SLA: variants seen among roughly 807,000 people sequenced by gnomAD.
SLA encodes the protein src-like-adapter.
In SLA, 16 loss-of-function variants were observed where a neutral mutation model predicts 30.3. That is an observed-to-expected ratio of 0.53 (90% CI 0.36 to 0.80). The LOEUF is 0.80. Ranked by LOEUF, SLA falls within the 30% of genes least tolerant of loss-of-function variation. The pLI is 0.01. For missense variants in SLA, 310 were observed against 345.2 expected, an observed-to-expected ratio of 0.90 and a Z score of 0.81; for synonymous variants, 143 against 137.8, an observed-to-expected ratio of 1.04 and a Z score of -0.26.
intron 3 of SLA, among the ~76,000 whole-genome samples, 194 bp downstream of exon 3, chr8:133,059,906 C>A (rs1321880288): frequency 6.6e-6 from 1 of 152,194 alleles, no homozygotes; most frequent in Non-Finnish European, 1.5e-5. Context: ...TTCAGGTGCG[C>A]CGAGCACCCA....
chr8:133,084,408 A>G (rs1846206061), intron 1 of SLA, among the ~76,000 whole-genome samples: 1 of 152,220 alleles, frequency 6.6e-6, no homozygotes, highest in African/African-American at 2.4e-5. Context: ...CTCATTGACA[A>G]TGGAAGGGAG....
intron 2 of SLA, chr8:133,064,312 G>A (rs550217518): frequency 6.6e-6 from 1 of 152,326 alleles, no homozygotes; most frequent in South Asian, 2.1e-4. Context: ...TTCAAATGAA[G>A]TCCTATTAGA....
chr8:133,091,847 G>A (rs1847594506), intron 1 of SLA, among the ~76,000 whole-genome samples: 1 of 152,070 alleles, frequency 6.6e-6, no homozygotes, highest in Admixed American at 6.5e-5. Flanking sequence ...GTGACCATGA[G>A]TGTCTGTGTG....
chr8:133,053,163 C>T (rs138348069), intron 3 of SLA, among the ~76,000 whole-genome samples: 1 of 152,184 alleles, frequency 6.6e-6, no homozygotes, highest in Non-Finnish European at 1.5e-5. Context: ...CTCACCTCTG[C>T]AGAGGCTCCA....
At chr8:133,061,533 T>C (rs1281913208) in intron 2 of SLA, among the ~76,000 whole-genome samples, 1 of 152,194 alleles carries the variant, frequency 6.6e-6, no homozygotes, top group African/African-American at 2.4e-5. Flanking sequence ...TATCAGAGAA[T>C]AGGGTTTTAG....
At chr8:133,080,903 C>T (rs1377679652) in intron 1 of SLA, among the ~76,000 whole-genome samples, 1 of 152,228 alleles carries the variant, frequency 6.6e-6, no homozygotes, top group Non-Finnish European at 1.5e-5. Context: ...CTAGATGCCT[C>T]TCAACCAACA....
At chr8:133,063,460 C>T (rs1842665559) in intron 2 of SLA, 1 of 151,744 alleles carries the variant, frequency 6.6e-6, no homozygotes, top group South Asian at 2.1e-4. Context: ...TCATTCTTCT[C>T]AAGCATTTGC....
At chr8:133,080,769 C>T (rs1417419580) in intron 1 of SLA, among the ~76,000 whole-genome samples, 3 of 152,244 alleles carry the variant, frequency 2.0e-5, no homozygotes, top group Non-Finnish European at 2.9e-5. Flanking sequence ...CTCACCTCTT[C>T]CTCATGCACT....
At chr8:133,102,438 C>T (rs964845219) in intron 1 of SLA, 115 bp downstream of exon 1, 32 of 897,114 alleles carry the variant, frequency 3.6e-5, no homozygotes, top group Middle Eastern at 3.0e-4. Flanking sequence ...AGACCAAAGA[C>T]GGAGGGTGGG....
chr8:133,068,821 C>T (rs1843500720), intron 2 of SLA, among the ~76,000 whole-genome samples: 1 of 152,364 alleles, frequency 6.6e-6, no homozygotes, highest in Non-Finnish European at 1.5e-5. Context: ...ACTTTCTGTA[C>T]ACAGAGGCCC....
chr8:133,091,443 C>T (rs897362628), intron 1 of SLA, among the ~76,000 whole-genome samples: 1 of 152,174 alleles, frequency 6.6e-6, no homozygotes, highest in African/African-American at 2.4e-5. Flanking sequence ...AGACCTCCTG[C>T]TTGTCCGGGT....
At chr8:133,082,573 G>A (rs559290400) in intron 1 of SLA, among the ~76,000 whole-genome samples, 6 of 152,290 alleles carry the variant, frequency 3.9e-5, no homozygotes, top group South Asian at 4.1e-4. Flanking sequence ...TGGAAACAGC[G>A]GCTGGACATT....
chr8:133,060,483 A>G, intron 2 of SLA: 1 of 882,994 alleles, frequency 1.1e-6, no homozygotes, highest in Non-Finnish European at 1.6e-6. Flanking sequence ...GAGGATGGTA[A>G]GCAGCCACAG....
chr8:133,094,500 A>G (rs1366086272), intron 1 of SLA: 1 of 181,608 alleles, frequency 5.5e-6, no homozygotes, highest in African/African-American at 2.4e-5. Context: ...TCAGCCTCCC[A>G]AAGTGAGAAA....
intron 2 of SLA, among the ~76,000 whole-genome samples, chr8:133,071,453 G>A (rs1341390833): frequency 6.6e-6 from 1 of 152,152 alleles, no homozygotes; most frequent in African/African-American, 2.4e-5. Context: ...TTCTGGCAAG[G>A]TTATGGTACT....
At chr8:133,050,512 A>G (rs2252813) in intron 4 of SLA, 247,934 of 299,192 alleles carry the variant, frequency 0.83, 104,656 homozygotes, top group African/African-American at 0.9. Flanking sequence ...TTCCTACATA[A>G]CATCAACACT....
chr8:133,069,463 C>T (rs1280187130), intron 2 of SLA, among the ~76,000 whole-genome samples: 1 of 152,080 alleles, frequency 6.6e-6, no homozygotes, highest in Non-Finnish European at 1.5e-5. Flanking sequence ...AAAGAGATCT[C>T]CATGATGTTT....
At chr8:133,044,734 C>T (rs1423404195) in intron 7 of SLA, among the ~76,000 whole-genome samples, 1 of 152,108 alleles carries the variant, frequency 6.6e-6, no homozygotes, top group Non-Finnish European at 1.5e-5. Context: ...TTAGGCACAC[C>T]CTAACTTGTT....
chr8:133,075,045 G>C lies in SLA; in HGVS notation c.-233C>G. Reference sequence around the variant, plus strand: ...GCTAAACTGGCCGCATACTTCCTCTGCTAGGAACGAGGAAGGCACAGGGCT... The same window carrying C: ...GCTAAACTGGCCGCATACTTCCTCTCCTAGGAACGAGGAAGGCACAGGGCT... On this transcript the variant is annotated 5_prime_UTR_variant, in exon 2 of 9. Coordinates refer to ENST00000338087, the MANE Select transcript of SLA (RefSeq NM_001045556.3). The C allele has an allele frequency of 1.0e-6, 1 of 985,358 alleles. No homozygotes were observed. Among genetic ancestry groups the C allele is most frequent in the Non-Finnish European group, 1.2e-6 (1 of 829,840 alleles). 61.0% of individuals were successfully genotyped at this position (985,358 alleles called of 1,614,324 possible).
Sources: allele counts gnomAD v4.1 joint callset (sites outside exome capture counted in the v4.1 genomes callset), GRCh38; gene constraint gnomAD v4.1.1; transcripts MANE v1.5; gene names NCBI Gene and HGNC (gene_info 2026-07-23, HGNC 2026-07-21).